The following CDKN2B-AS1 variants were observed in gnomAD, a reference collection of about 807,000 sequenced individuals.
CDKN2B-AS1 encodes CDKN2B and CDKN2A antisense cis and trans regulatory RNA 1.
chr9:22,062,147 G>A (rs1413917999), intron 4 of CDKN2B-AS1: 1 of 152,172 alleles, frequency 6.6e-6, no homozygotes, highest in South Asian at 2.1e-4. Context: ...AGAGGACCAT[G>A]ATATTTCTAT....
chr9:22,005,635 C>A lies in CDKN2B-AS1; in HGVS notation n.29+10474C>A. 2.2e-6 allele frequency: 1 copy of A among 458,952 alleles called. No individual in the cohort carries two copies. Among genetic ancestry groups the A allele is most frequent in the Non-Finnish European group, 4.0e-6 (1 of 247,710 alleles). 28.4% of individuals were successfully genotyped at this position (458,952 alleles called of 1,614,324 possible). The stretch of plus-strand genomic sequence containing the variant: ...TCAGCGCTGGAGTGGGAGATTCATC[C>A]ATCGGAAGATTCGTAGCCACCAGGT... On this transcript the variant is annotated intron_variant and non_coding_transcript_variant, in intron 1 of 4. Transcript: ENST00000650946. This position sits in a 1 kb window ranked among gnomAD's most constrained non-coding sequence, Gnocchi z 4.9.
At chr9:22,049,447 C>A (rs1409113466) in intron 3 of CDKN2B-AS1, among the ~76,000 whole-genome samples, 1 of 147,692 alleles carries the variant, frequency 6.8e-6, no homozygotes, top group Non-Finnish European at 1.5e-5. Flanking sequence ...AGGTGCTTTC[C>A]TTGTGAAGCT....
rs72654206 is a variant in CDKN2B-AS1 at position 22,108,476 on chromosome 9, A to G, written n.439-18627A>G. Among the ~76,000 whole-genome samples the G allele has an allele frequency of 2.9e-4, 44 of 152,302 alleles. 1 individual carries two copies. Among genetic ancestry groups the G allele is most frequent in the South Asian group, 1.2e-3 (6 of 4,822 alleles). The stretch of plus-strand genomic sequence containing the variant: ...TTACGACTCTGCCTTCAGCTGTACC[A>G]GTATTTAAGTTATAAGGTAGTTAAG... On this transcript the variant is annotated intron_variant and non_coding_transcript_variant, in intron 4 of 4. Transcript: ENST00000650946.
exon 5 of CDKN2B-AS1, among the ~76,000 whole-genome samples, chr9:22,127,740 T>C (rs971368207): frequency 2.0e-5 from 3 of 152,126 alleles, no homozygotes; most frequent in African/African-American, 7.2e-5. Flanking sequence ...AAGGGAAAGA[T>C]TGTGGATTCA....
chr9:22,056,557 T>A lies in CDKN2B-AS1; in HGVS notation n.438+170T>A, dbSNP rs140335688. ...TGGACACAGGTGACTGTTTTCTCCT[T>A]TTTGAACCCCTGCTTACTCCAGAGT... On this transcript the variant is annotated intron_variant and non_coding_transcript_variant, in intron 4 of 4. Coordinates refer to ENST00000650946, the Ensembl canonical transcript of CDKN2B-AS1. Among the ~76,000 whole-genome samples the A allele has an allele frequency of 3.9e-3, 598 of 152,202 alleles. 4 individuals are homozygous for A. Among genetic ancestry groups the A allele is most frequent in the African/African-American group, 0.014 (567 of 41,526 alleles).
At chr9:22,027,115 G>A (rs892862762) in intron 1 of CDKN2B-AS1, among the ~76,000 whole-genome samples, 1 of 150,664 alleles carries the variant, frequency 6.6e-6, no homozygotes, top group Non-Finnish European at 1.5e-5. Flanking sequence ...CCCTGTGAGA[G>A]TCACACACAT....
intron 4 of CDKN2B-AS1, among the ~76,000 whole-genome samples, chr9:22,070,078 G>A (rs1201824784): frequency 1.3e-5 from 2 of 152,114 alleles, no homozygotes; most frequent in Non-Finnish European, 2.9e-5. Flanking sequence ...TCCTCACAAT[G>A]GTTAGAAAGC....
intron 1 of CDKN2B-AS1, chr9:22,003,775 TGAC>T: frequency 4.3e-6 from 1 of 232,320 alleles, no homozygotes; most frequent in Non-Finnish European, 8.5e-6. Flanking sequence ...TCCATATTGT[TGAC>T]ATTTTAAAAT....
intron 4 of CDKN2B-AS1, among the ~76,000 whole-genome samples, chr9:22,060,607 T>G: frequency 6.6e-6 from 1 of 152,212 alleles, no homozygotes; most frequent in East Asian, 1.9e-4. Context: ...CACTTCCACA[T>G]TTTTGGGTAT....
In CDKN2B-AS1 at chr9:22,000,252, C is replaced by G. The variant is rs1364436093; in HGVS notation, n.29+5091C>G. ...GAAGGGGTTTTAAACTTGTTGTCCT[C>G]AAATGACTACTGAGGCAAACACCAT... On this transcript the variant is annotated intron_variant and non_coding_transcript_variant, in intron 1 of 4. Transcript: ENST00000650946. This position sits in a 1 kb window ranked among gnomAD's most constrained non-coding sequence, Gnocchi z 4.1. 2.0e-5 allele frequency among the ~76,000 whole-genome samples: 3 copies of G among 152,094 alleles called. No individual in the cohort carries two copies. The highest frequency in any genetic ancestry group is 4.4e-5 in the Non-Finnish European group (3 of 68,002).
rs181967268 is a variant in CDKN2B-AS1 at position 22,029,298 on chromosome 9, G to T, written n.30-17453G>T. 5.1e-5 allele frequency: 33 copies of T among 641,146 alleles called. No homozygotes were observed. The African/African-American group carries it at 5.8e-4, about 11-fold the overall frequency. 39.7% of individuals were successfully genotyped at this position (641,146 alleles called of 1,614,324 possible). On this transcript the variant is annotated intron_variant and non_coding_transcript_variant, in intron 1 of 4. Transcript: ENST00000650946. ...CTTTGAGAGAGAGAAAGCTATTACC[G>T]TCTTTATCAAATAGGAGAGCCTGAT... is the stretch of plus-strand genomic sequence containing the variant.
intron 1 of CDKN2B-AS1, chr9:22,009,033 A>C: frequency 1.3e-6 from 2 of 1,587,298 alleles, no homozygotes; most frequent in Non-Finnish European, 1.7e-6. Context: ...CTTCTTTCCC[A>C]CGCTGCTCCG....
Position 22,075,093 on chromosome 9 carries a change from A to T in CDKN2B-AS1, n.438+18706A>T, listed in dbSNP as rs1824443072. ...TTAAATACATTTACTTAAAAATGTG[A>T]GTTGATTTAAAGAGAAATATTAATA... On this transcript the variant is annotated intron_variant and non_coding_transcript_variant, in intron 4 of 4. Transcript: ENST00000650946. Among the ~76,000 whole-genome samples the T allele has an allele frequency of 3.3e-5, 5 of 152,348 alleles. 1 individual carries two copies. Among genetic ancestry groups the T allele is most frequent in the Admixed American group, 6.5e-5 (1 of 15,296 alleles).
intron 1 of CDKN2B-AS1, among the ~76,000 whole-genome samples, chr9:22,036,918 C>A (rs984151942): frequency 6.6e-6 from 1 of 152,160 alleles, no homozygotes; most frequent in South Asian, 2.1e-4. Context: ...GCCATTAATC[C>A]AGATGTAGAA....
intron 1 of CDKN2B-AS1, chr9:22,012,578 C>G: frequency 2.0e-6 from 1 of 503,076 alleles, no homozygotes; most frequent in Non-Finnish European, 3.7e-6. Context: ...TGCCCAGGCC[C>G]CATGGCCCTG....
chr9:22,090,192 G>A (rs1356082391), intron 4 of CDKN2B-AS1, among the ~76,000 whole-genome samples: 1 of 152,088 alleles, frequency 6.6e-6, no homozygotes, highest in African/African-American at 2.4e-5. Context: ...ATTCCATGGT[G>A]TATATGTGCC....
At chr9:22,068,662 G>C (rs1424304898) in intron 4 of CDKN2B-AS1, among the ~76,000 whole-genome samples, 1 of 152,218 alleles carries the variant, frequency 6.6e-6, no homozygotes, top group South Asian at 2.1e-4. Context: ...AGTAAGATCA[G>C]CATTGCATTA....
chr9:22,069,798 C>G (rs1012155931), intron 4 of CDKN2B-AS1, among the ~76,000 whole-genome samples: 6 of 152,060 alleles, frequency 3.9e-5, no homozygotes, highest in African/African-American at 1.4e-4. Flanking sequence ...ACCTGTCGAC[C>G]AGCCTCTCCC....
chr9:22,033,028 C>T (rs1269482970), intron 1 of CDKN2B-AS1: 2 of 152,082 alleles, frequency 1.3e-5, no homozygotes, highest in Non-Finnish European at 2.9e-5. Context: ...CCTGTCAGAT[C>T]AGCAGTGGCA....
Sources: allele counts gnomAD v4.1 joint callset (sites outside exome capture counted in the v4.1 genomes callset), GRCh38; gene constraint gnomAD v4.1.1; non-coding constraint Gnocchi (gnomAD v3.1); transcripts MANE v1.5; gene names NCBI Gene and HGNC (gene_info 2026-07-23, HGNC 2026-07-21).